The following MRPL39 variants were observed in gnomAD, a reference collection of about 807,000 sequenced individuals.
The protein encoded by MRPL39 is large ribosomal subunit protein mL39.
Under a neutral mutation model 44.5 loss-of-function variants are expected in MRPL39, and 35 were observed. The observed-to-expected ratio is 0.79, with a 90% CI of 0.60 to 1.04. The LOEUF (loss-of-function observed/expected upper bound fraction) is 1.04, where lower values mean the gene tolerates loss of function less well. Among genes scored for constraint, MRPL39 ranks in the 50% least tolerant of loss-of-function variants. The probability of loss-of-function intolerance (pLI) is 0.00; values close to 1 mark genes in which losing one functional copy is unlikely to be tolerated. For synonymous variants in MRPL39, 139 were observed against 136.1 expected, an observed-to-expected ratio of 1.02 and a Z score of -0.15; for missense variants, 433 against 413.5, an observed-to-expected ratio of 1.05 and a Z score of -0.41.
At chr21:25,601,311 C>T in intron 4 of MRPL39, 57 bp downstream of exon 4, 2 of 1,210,920 alleles carry the variant, frequency 1.7e-6, no homozygotes, top group South Asian at 2.8e-5. Context: ...TATACGTCAT[C>T]AAAAATAGGT....
At chr21:25,602,028 C>G (rs2031539785) in intron 3 of MRPL39, among the ~76,000 whole-genome samples, 1 of 152,176 alleles carries the variant, frequency 6.6e-6, no homozygotes, top group Admixed American at 6.5e-5. Flanking sequence ...ATGACCTGAT[C>G]AGTCACAAGG....
At chr21:25,607,615 C>A, upstream of MRPL39, 2 of 820,114 alleles carry the variant, frequency 2.4e-6, no homozygotes, top group Non-Finnish European at 3.8e-6. Context: ...GGGCGTCAGG[C>A]CTCGCTGGGG....
chr21:25,592,528 A>G (rs1326105248), intron 8 of MRPL39, among the ~76,000 whole-genome samples: 1 of 152,152 alleles, frequency 6.6e-6, no homozygotes, highest in Non-Finnish European at 1.5e-5. Context: ...AGTCTTACCA[A>G]TACGCACTCT....
intron 5 of MRPL39, among the ~76,000 whole-genome samples, chr21:25,599,396 A>G (rs2031455006): frequency 6.6e-6 from 1 of 152,214 alleles, no homozygotes; most frequent in South Asian, 2.1e-4. Flanking sequence ...ATTGTGCTCC[A>G]GCGACCCAAA....
chr21:25,605,473 G>A (rs2031634315), intron 2 of MRPL39, among the ~76,000 whole-genome samples: 1 of 152,034 alleles, frequency 6.6e-6, no homozygotes, highest in African/African-American at 2.4e-5. Context: ...AGAGCCAAGT[G>A]GAAAGCAGAT....
intron 8 of MRPL39, among the ~76,000 whole-genome samples, chr21:25,592,091 T>G (rs1405821322): frequency 6.6e-6 from 1 of 152,192 alleles, no homozygotes; most frequent in Non-Finnish European, 1.5e-5. Flanking sequence ...TTGATCCCAT[T>G]CATACAATAT....
At position 25,597,331 on chromosome 21, in the gene MRPL39, T is replaced by A. The variant is rs374660697; in HGVS notation, c.672A>T (p.Lys224Asn). The A allele has an allele frequency of 1.2e-6, 2 of 1,600,262 alleles. No individual in the cohort carries two copies. The highest frequency in any genetic ancestry group is 1.1e-5 in the South Asian group (1 of 89,970). Residue 224 changes from lysine (K) to asparagine (N), a missense_variant, in exon 6 of 10, where the codon AAA (lysine) becomes AAT (asparagine). Physicochemically the swap from Lys to Asn is moderately conservative, Grantham distance 94 (BLOSUM62 0). Coordinates refer to ENST00000352957, the MANE Select transcript of MRPL39 (RefSeq NM_017446.4). ...TGTGTTGAAATATTTCCAATGCCAC[T>A]TTTGCTTCAACTTCCAGAGTTTCAA... ...LPFETLEVEA[K>N]VALEIFQHSK...
chr21:25,590,894 T>C (rs1478980932), intron 8 of MRPL39, among the ~76,000 whole-genome samples: 1 of 152,112 alleles, frequency 6.6e-6, no homozygotes, highest in Non-Finnish European at 1.5e-5. Context: ...GCTACAGTAA[T>C]CAAGACTGGG....
intron 8 of MRPL39, 76 bp downstream of exon 8, chr21:25,592,736 C>T (rs968594666): frequency 1.8e-6 from 2 of 1,109,226 alleles, no homozygotes; most frequent in African/African-American, 1.6e-5. Flanking sequence ...TTATATTCTT[C>T]AAACTGGTAT....
chr21:25,598,821 A>G (rs1352612596), intron 5 of MRPL39, among the ~76,000 whole-genome samples: 2 of 151,024 alleles, frequency 1.3e-5, no homozygotes, highest in Non-Finnish European at 2.9e-5. Flanking sequence ...GAACCACTAC[A>G]GTATTTTACT....
upstream of MRPL39, chr21:25,607,596 TC>T: frequency 1.0e-6 from 1 of 973,440 alleles, no homozygotes; most frequent in Non-Finnish European, 1.5e-6. Flanking sequence ...ACTGCTCGCC[TC>T]CACCGGGGGG....
At chr21:25,595,272 C>T (rs1268559796) in intron 6 of MRPL39, among the ~76,000 whole-genome samples, 1 of 152,176 alleles carries the variant, frequency 6.6e-6, no homozygotes, top group East Asian at 1.9e-4. Flanking sequence ...GGTGCCAATT[C>T]CCTTGAATAC....
Position 25,601,379 on chromosome 21 carries a change from G to A in MRPL39, c.509C>T (p.Pro170Leu). ...TATGTATACACTACCAGGAACTTCT[G>A]GAGCTCTGACCAAATTGACCATATA... ...DEYMVNLVRAPEVPVISGAFC... is the reference protein window; with the variant it reads ...DEYMVNLVRALEVPVISGAFC... The change falls in exon 4 of 10, where the codon CCA (proline) becomes CTA (leucine). Residue 170 changes from proline (P) to leucine (L), a missense_variant. Pro to Leu is a moderately conservative substitution (Grantham distance 98). Coordinates refer to ENST00000352957, the MANE Select transcript of MRPL39 (RefSeq NM_017446.4). The A allele has an allele frequency of 6.2e-7, 1 of 1,607,838 alleles. No homozygotes were observed.
chr21:25,594,017 A>C, intron 6 of MRPL39, 59 bp from the exon 7 acceptor site: 1 of 1,380,184 alleles, frequency 7.2e-7, no homozygotes, highest in Non-Finnish European at 1.0e-6. Flanking sequence ...AAAGGTGTTT[A>C]AAGATACCTC....
chr21:25,597,539 T>G, intron 5 of MRPL39, 125 bp from the exon 6 acceptor site: 1 of 544,088 alleles, frequency 1.8e-6, no homozygotes, highest in Non-Finnish European at 3.2e-6. Context: ...AAAATCAAAT[T>G]TGTTAGAACA....
chr21:25,601,538 A>G, intron 3 of MRPL39, 71 bp from the exon 4 acceptor site: 1 of 1,018,854 alleles, frequency 9.8e-7, no homozygotes, highest in Non-Finnish European at 1.4e-6. Context: ...TGACAATATT[A>G]AATTTTAAGT....
chr21:25,593,037 C>T, intron 7 of MRPL39, 72 bp from the exon 8 acceptor site: 1 of 1,323,054 alleles, frequency 7.6e-7, no homozygotes, highest in Non-Finnish European at 1.0e-6. Flanking sequence ...AAAGAAATCT[C>T]TTCCTTCTCT....
intron 8 of MRPL39, among the ~76,000 whole-genome samples, chr21:25,592,094 T>C (rs184154742): frequency 6.6e-6 from 1 of 152,324 alleles, no homozygotes; most frequent in East Asian, 1.9e-4. Context: ...ATCCCATTCA[T>C]ACAATATTCT....
At chr21:25,604,447 T>G (rs1568866736) in intron 2 of MRPL39, among the ~76,000 whole-genome samples, 1 of 152,130 alleles carries the variant, frequency 6.6e-6, no homozygotes, top group Non-Finnish European at 1.5e-5. Context: ...TTTGGATAGA[T>G]ACACACACAA....
Sources: gnomAD v4.1 joint callset for allele counts (sites outside exome capture counted in the v4.1 genomes callset) on GRCh38, gnomAD v4.1.1 for gene constraint, MANE v1.5 for transcripts, NCBI Gene and HGNC (gene_info 2026-07-23, HGNC 2026-07-21) for gene names.